Variants in PTPRD observed in about 807,000 individuals in gnomAD.
The protein encoded by PTPRD is receptor-type tyrosine-protein phosphatase delta.
A neutral mutation model predicts 214.5 loss-of-function variants in PTPRD; 34 were observed. The ratio of observed to expected loss-of-function variants is 0.16; its 90% CI spans 0.12 to 0.21. The LOEUF (loss-of-function observed/expected upper bound fraction) is 0.21, where lower values mean the gene tolerates loss of function less well. PTPRD is among the 10% of genes least tolerant of loss of function. The pLI, the probability that PTPRD is intolerant of heterozygous loss-of-function variation, is 1.00. For missense variants in PTPRD, 2,545 were observed against 2,398.7 expected, an observed-to-expected ratio of 1.06 and a Z score of -1.27; for synonymous variants, 1,128 against 845.7, an observed-to-expected ratio of 1.33 and a Z score of -5.79.
chr9:8,775,552 T>C (rs1302838995), intron 11 of PTPRD, among the ~76,000 whole-genome samples: 1 of 150,434 alleles, frequency 6.6e-6, no homozygotes, highest in African/African-American at 2.5e-5. Context: ...CTTAGTCACA[T>C]GTACTTTCTA....
intron 8 of PTPRD, among the ~76,000 whole-genome samples, chr9:9,419,734 T>G (rs1201307480): frequency 6.6e-6 from 1 of 151,786 alleles, no homozygotes; most frequent in African/African-American, 2.4e-5. Flanking sequence ...ACAATTTGCC[T>G]TCATTATTGT....
At position 9,003,735 on chromosome 9, in the gene PTPRD, T is replaced by C. The variant is rs371681446; in HGVS notation, c.-104+14962A>G. Among the ~76,000 whole-genome samples the C allele has an allele frequency of 6.9e-4, 105 of 152,144 alleles. 2 individuals carry two copies. Among genetic ancestry groups the C allele is most frequent in the African/African-American group, 2.4e-3 (100 of 41,538 alleles). On this transcript the variant is annotated intron_variant, in intron 11 of 45. Coordinates refer to ENST00000381196, the MANE Select transcript of PTPRD (RefSeq NM_002839.4). Reference sequence around the variant, plus strand: ...TCAAATCTATTCTCCTTAATGCCCATTCTGTGTTTTCGAACTGGCCTGTGA... The same window carrying C: ...TCAAATCTATTCTCCTTAATGCCCACTCTGTGTTTTCGAACTGGCCTGTGA...
chr9:8,739,211 G>C (rs1039331954), intron 11 of PTPRD, among the ~76,000 whole-genome samples: 3 of 152,186 alleles, frequency 2.0e-5, no homozygotes, highest in Non-Finnish European at 4.4e-5. Flanking sequence ...GAATTCCCTA[G>C]GCCCTCAGTG....
chr9:9,421,171 A>AT (rs2078664477), intron 8 of PTPRD, among the ~76,000 whole-genome samples: 1 of 152,038 alleles, frequency 6.6e-6, no homozygotes, highest in Admixed American at 6.6e-5. Context: ...AGCCATAAAC[A>AT]ATGGCCCTGC....
Position 9,574,796 on chromosome 9 carries a change from C to A in PTPRD, c.-286-15G>T, listed in dbSNP as rs1039787160. 1.3e-5 allele frequency: 2 copies of A among 151,940 alleles called. No individual in the cohort carries two copies. The highest frequency in any genetic ancestry group is 4.8e-5 in the African/African-American group (2 of 41,386). The allele number at this position is 151,940 out of a possible 1,614,324, so 9.4% of individuals were successfully genotyped here. The stretch of plus-strand genomic sequence containing the variant: ...CACCCTGAGACCTAGAAAAGTATAA[C>A]ACAAAACATTCTTTATTAGTACTAG... On this transcript the variant is annotated splice_polypyrimidine_tract_variant and intron_variant, in intron 7 of 45. Transcript: ENST00000381196.
At chr9:8,741,384 A>C (rs972966847) in intron 11 of PTPRD, among the ~76,000 whole-genome samples, 1 of 152,088 alleles carries the variant, frequency 6.6e-6, no homozygotes, top group African/African-American at 2.4e-5. Context: ...ACTGGCAATG[A>C]AACGGTTAAA....
At chr9:9,718,282 G>A (rs968752064) in intron 7 of PTPRD, among the ~76,000 whole-genome samples, 1 of 152,288 alleles carries the variant, frequency 6.6e-6, no homozygotes, top group Admixed American at 6.5e-5. Context: ...GCTAGCAGGA[G>A]TTTCATGTTC....
chr9:9,934,070 T>C (rs1217767427), intron 5 of PTPRD, among the ~76,000 whole-genome samples: 1 of 149,070 alleles, frequency 6.7e-6, no homozygotes, highest in Non-Finnish European at 1.5e-5. Context: ...CTGGGACACA[T>C]TCAAAGCAGT....
At chr9:9,965,801 T>A (rs2094649588) in intron 4 of PTPRD, among the ~76,000 whole-genome samples, 1 of 152,188 alleles carries the variant, frequency 6.6e-6, no homozygotes, top group Admixed American at 6.5e-5. Flanking sequence ...TTGTCAACAT[T>A]AAAACTTAGA....
intron 11 of PTPRD, among the ~76,000 whole-genome samples, chr9:8,965,713 C>G (rs1231886001): frequency 2.0e-5 from 3 of 152,078 alleles, no homozygotes; most frequent in Admixed American, 2.0e-4. Flanking sequence ...AAGCATTCCC[C>G]TTGAGAACTG....
chr9:9,107,355 C>G (rs1449461874), intron 10 of PTPRD, among the ~76,000 whole-genome samples: 2 of 152,180 alleles, frequency 1.3e-5, no homozygotes, highest in African/African-American at 4.8e-5. Flanking sequence ...ATGTACCGAA[C>G]AAGCTGCATG....
chr9:9,081,715 C>T (rs938342310), intron 10 of PTPRD, among the ~76,000 whole-genome samples: 13 of 151,782 alleles, frequency 8.6e-5, no homozygotes, highest in Non-Finnish European at 1.5e-4. Context: ...AGAGTTAGCT[C>T]TTCTTGTTGC....
intron 14 of PTPRD, among the ~76,000 whole-genome samples, chr9:8,616,645 C>T (rs1349412633): frequency 6.6e-6 from 1 of 152,062 alleles, no homozygotes; most frequent in Non-Finnish European, 1.5e-5. Flanking sequence ...GTTTTTCTCT[C>T]ATATCTGCAA....
intron 3 of PTPRD, among the ~76,000 whole-genome samples, chr9:10,060,546 A>G (rs144579967): frequency 1.3e-5 from 2 of 152,156 alleles, no homozygotes; most frequent in Non-Finnish European, 2.9e-5. Context: ...CATGAACATG[A>G]CAGAAATGTG....
chr9:8,485,190 T>G (rs996769005), intron 29 of PTPRD, 37 bp downstream of exon 29: 4 of 1,577,520 alleles, frequency 2.5e-6, no homozygotes, highest in African/African-American at 2.7e-5. Flanking sequence ...CCCTCTACTT[T>G]TATCTGTGAT....
Position 9,775,833 on chromosome 9 carries a change from G to A in PTPRD, c.-367-8982C>T, listed in dbSNP as rs2098793893. 1.3e-5 allele frequency among the ~76,000 whole-genome samples: 2 copies of A among 151,792 alleles called. 1 individual carries two copies. The highest frequency in any genetic ancestry group is 4.2e-4 in the South Asian group (2 of 4,802). On this transcript the variant is annotated intron_variant, in intron 5 of 45. Coordinates refer to ENST00000381196, the MANE Select transcript of PTPRD (RefSeq NM_002839.4). Reference sequence around the variant, plus strand: ...TAGCCGGGCATGGTGGCGGACGCCTGCAGTCCCAGCTACTTGGGAGGCTGA... The same window carrying A: ...TAGCCGGGCATGGTGGCGGACGCCTACAGTCCCAGCTACTTGGGAGGCTGA...
At chr9:9,714,478 A>T (rs1341463799) in intron 7 of PTPRD, among the ~76,000 whole-genome samples, 2 of 145,658 alleles carry the variant, frequency 1.4e-5, no homozygotes, top group Non-Finnish European at 3.0e-5. Flanking sequence ...CATTATAATG[A>T]CAATAAGAAT....
chr9:10,519,360 T>C (rs573452451), intron 2 of PTPRD, among the ~76,000 whole-genome samples: 2 of 150,536 alleles, frequency 1.3e-5, no homozygotes, highest in African/African-American at 2.4e-5. Context: ...ATTAAATATA[T>C]ATGTACTGTT....
chr9:9,966,081 A>C (rs184328321), intron 4 of PTPRD, among the ~76,000 whole-genome samples: 2 of 152,156 alleles, frequency 1.3e-5, no homozygotes, highest in Admixed American at 6.5e-5. Context: ...GTATTTACAC[A>C]TAGAGAAACT....
Sources: allele counts gnomAD v4.1 joint callset (sites outside exome capture counted in the v4.1 genomes callset), GRCh38; gene constraint gnomAD v4.1.1; transcripts MANE v1.5; gene names NCBI Gene and HGNC (gene_info 2026-07-23, HGNC 2026-07-21).